Variants in SLC24A3 observed in about 807,000 individuals in gnomAD.
SLC24A3 encodes solute carrier family 24 member 3.
Under a neutral mutation model 75.8 loss-of-function variants are expected in SLC24A3, and 28 were observed. The observed-to-expected ratio is 0.37, with a 90% CI of 0.27 to 0.51. SLC24A3 has a LOEUF of 0.51. Among genes scored for constraint, SLC24A3 ranks in the 20% least tolerant of loss-of-function variants. The probability of loss-of-function intolerance (pLI) is 0.94; values close to 1 mark genes in which losing one functional copy is unlikely to be tolerated. For synonymous variants in SLC24A3, 372 were observed against 334.1 expected (o/e 1.11, Z -1.24); for missense variants, 663 against 847.8 (o/e 0.78, Z 2.71).
At chr20:19,665,229 G>A (rs1057249685) in intron 7 of SLC24A3, among the ~76,000 whole-genome samples, 10 of 152,188 alleles carry the variant, frequency 6.6e-5, no homozygotes, top group Admixed American at 2.6e-4. Flanking sequence ...GGGCTTGGGC[G>A]CCAACAGTGT....
chr20:19,306,103 G>A (rs2122253100), intron 2 of SLC24A3, among the ~76,000 whole-genome samples: 1 of 152,234 alleles, frequency 6.6e-6, no homozygotes, highest in Admixed American at 6.5e-5. Context: ...CATACGTGTG[G>A]CCAACAAATA....
intron 3 of SLC24A3, among the ~76,000 whole-genome samples, chr20:19,551,742 C>T (rs2030698728): frequency 1.3e-5 from 2 of 152,152 alleles, no homozygotes; most frequent in Admixed American, 1.3e-4. Context: ...CTCCTTTCTT[C>T]CCATAGGACA....
intron 2 of SLC24A3, among the ~76,000 whole-genome samples, chr20:19,316,782 C>T (rs1000289869): frequency 6.6e-6 from 1 of 152,170 alleles, no homozygotes; most frequent in African/African-American, 2.4e-5. Flanking sequence ...CCAATTAACT[C>T]TCTTTGCAAA....
At chr20:19,470,532 A>G (rs1281034139) in intron 2 of SLC24A3, among the ~76,000 whole-genome samples, 1 of 152,152 alleles carries the variant, frequency 6.6e-6, no homozygotes, top group Non-Finnish European at 1.5e-5. Flanking sequence ...GCACAGCATT[A>G]AGTCTGTACG....
intron 6 of SLC24A3, among the ~76,000 whole-genome samples, chr20:19,651,769 G>A (rs555145556): frequency 1.3e-5 from 2 of 150,706 alleles, no homozygotes; most frequent in East Asian, 3.9e-4. Context: ...GCTGAGGCAG[G>A]AGAATGGTGT....
intron 2 of SLC24A3, among the ~76,000 whole-genome samples, chr20:19,438,522 A>G (rs1987245638): frequency 6.6e-6 from 1 of 151,934 alleles, no homozygotes; most frequent in South Asian, 2.1e-4. Context: ...ACACCCCCAT[A>G]CAGTAGGTAG....
At chr20:19,322,369 T>TCCTTC (rs1360618391) in intron 2 of SLC24A3, among the ~76,000 whole-genome samples, 1 of 62,064 alleles carries the variant, frequency 1.6e-5, no homozygotes, top group Non-Finnish European at 4.4e-5. Flanking sequence ...TTCCTTCCCT[T>TCCTTC]CCTTCCTTCC....
intron 2 of SLC24A3, among the ~76,000 whole-genome samples, chr20:19,339,008 T>C (rs892450601): frequency 1.3e-5 from 2 of 152,204 alleles, no homozygotes; most frequent in Admixed American, 6.5e-5. Context: ...ACAGGGATGT[T>C]CCACATTTTG....
chr20:19,465,644 A>G (rs1161074586), intron 2 of SLC24A3, among the ~76,000 whole-genome samples: 1 of 152,178 alleles, frequency 6.6e-6, no homozygotes, highest in Admixed American at 6.5e-5. Context: ...TCTGCAGACC[A>G]ACTGTGGCCT....
At chr20:19,413,142 A>C (rs981987839) in intron 2 of SLC24A3, among the ~76,000 whole-genome samples, 5 of 152,168 alleles carry the variant, frequency 3.3e-5, no homozygotes, top group African/African-American at 1.2e-4. Flanking sequence ...AGAAAGACCA[A>C]ACCCAGAAGT....
chr20:19,415,724 A>G (rs1418428500), intron 2 of SLC24A3, among the ~76,000 whole-genome samples: 2 of 152,120 alleles, frequency 1.3e-5, no homozygotes, highest in Non-Finnish European at 2.9e-5. Flanking sequence ...CAAAATTAGC[A>G]TGCATTTCAG....
chr20:19,491,575 C>T (rs547194163), intron 2 of SLC24A3, among the ~76,000 whole-genome samples: 119 of 152,276 alleles, frequency 7.8e-4, no homozygotes, highest in African/African-American at 2.6e-3. Flanking sequence ...CACTGAGTGG[C>T]GCTGCCATCA....
At chr20:19,609,783 T>C (rs946036460) in intron 6 of SLC24A3, among the ~76,000 whole-genome samples, 1 of 152,244 alleles carries the variant, frequency 6.6e-6, no homozygotes, top group Non-Finnish European at 1.5e-5. Context: ...CTCATATTTA[T>C]TAAGTTTAAA....
intron 3 of SLC24A3, among the ~76,000 whole-genome samples, chr20:19,530,867 A>G (rs2030284929): frequency 6.6e-6 from 1 of 152,218 alleles, no homozygotes; most frequent in Admixed American, 6.5e-5. Context: ...CCACCTGTCC[A>G]GAGTAAACAG....
At chr20:19,219,414 C>A (rs1370390675) in intron 1 of SLC24A3, among the ~76,000 whole-genome samples, 1 of 152,172 alleles carries the variant, frequency 6.6e-6, no homozygotes, top group African/African-American at 2.4e-5. Flanking sequence ...AGGCTCTTTG[C>A]TAGTTGCTAG....
chr20:19,637,383 T>C (rs2032014475), intron 6 of SLC24A3, among the ~76,000 whole-genome samples: 1 of 152,214 alleles, frequency 6.6e-6, no homozygotes, highest in African/African-American at 2.4e-5. Context: ...AATAGTGGAA[T>C]TGATATGGTG....
At chr20:19,239,571 G>A (rs1322292840) in intron 1 of SLC24A3, among the ~76,000 whole-genome samples, 1 of 152,224 alleles carries the variant, frequency 6.6e-6, no homozygotes, top group Non-Finnish European at 1.5e-5. Flanking sequence ...ACCCCAGGGT[G>A]GCTGACCCTT....
At chr20:19,486,445 T>TA (rs1988128862) in intron 2 of SLC24A3, among the ~76,000 whole-genome samples, 1 of 152,134 alleles carries the variant, frequency 6.6e-6, no homozygotes, top group African/African-American at 2.4e-5. Flanking sequence ...ATGTATGTTT[T>TA]AAAAAAGTAA....
chr20:19,486,790 G>C (rs573906589), intron 2 of SLC24A3, among the ~76,000 whole-genome samples: 1 of 152,204 alleles, frequency 6.6e-6, no homozygotes, highest in Non-Finnish European at 1.5e-5. Flanking sequence ...GAAGTGGAAG[G>C]ATGTGGATTC....
Sources: gnomAD v4.1 joint callset for allele counts (sites outside exome capture counted in the v4.1 genomes callset) on GRCh38, gnomAD v4.1.1 for gene constraint, MANE v1.5 for transcripts, NCBI Gene and HGNC (gene_info 2026-07-23, HGNC 2026-07-21) for gene names.